The following ALOX15 variants were observed in gnomAD, a reference collection of about 807,000 sequenced individuals.
The protein encoded by ALOX15 is polyunsaturated fatty acid lipoxygenase ALOX15.
In ALOX15, 68 loss-of-function variants were observed where a neutral mutation model predicts 71.7. The observed-to-expected ratio is 0.95, with a 90% confidence interval of 0.78 to 1.16. ALOX15 has a LOEUF of 1.16. Ranked by LOEUF, ALOX15 falls within the 50% of genes most tolerant of loss-of-function variation. The pLI, the probability that ALOX15 is intolerant of heterozygous loss-of-function variation, is 0.00. For synonymous variants in ALOX15, 346 were observed against 333.3 expected, an observed-to-expected ratio of 1.04 and a Z score of -0.42; for missense variants, 798 against 818.8, an observed-to-expected ratio of 0.97 and a Z score of 0.31.
chr17:4,641,480 G>C, intron 1 of ALOX15, 37 bp downstream of exon 1: 4 of 1,599,952 alleles, frequency 2.5e-6, no homozygotes, highest in Non-Finnish European at 3.4e-6. Context: ...TCGGAGCCAG[G>C]GGCGCAGCCC....
At chr17:4,640,284 T>G in intron 1 of ALOX15, among the ~76,000 whole-genome samples, 2 of 122,252 alleles carry the variant, frequency 1.6e-5, no homozygotes, top group African/African-American at 6.7e-5. Context: ...GGGGAGTGAA[T>G]TAGGGAGAAA....
chr17:4,633,353 C>CT lies in ALOX15; in HGVS notation c.1249-39dup, dbSNP rs758855379. The CT allele has an allele frequency of 4.3e-6, 7 of 1,611,410 alleles. No homozygotes were observed. The South Asian group carries it at 7.7e-5, about 18-fold the overall frequency. On this transcript the variant is annotated intron_variant, in intron 9 of 13. Transcript: ENST00000293761. Reference sequence around the variant, plus strand: ...GGTGAGCAGGGTCAGGCGAATCGACCTGCCCTGAATCCAGAGCTGGAAAAA... The same window carrying CT: ...GGTGAGCAGGGTCAGGCGAATCGACCTTGCCCTGAATCCAGAGCTGGAAAAA...
At position 4,632,281 on chromosome 17, in the gene ALOX15, C is replaced by A. The variant is rs773687745; in HGVS notation, c.1541G>T (p.Gly514Val). ...CCGAGCCTGTAAAGAGACAGGAAAC[C>A]CTGCAAGGGGTGAAGAGAGTTAGAA... ...EIGLQGAQDR[G>V]FPVSLQARDQ... is the part of the protein sequence containing the mutation. The change falls in exon 12 of 14, where the codon GGG becomes GTG. Residue 514 changes from glycine to valine, a missense_variant and splice_region_variant. This residue lies in a region of ALOX15 where 490 missense variants were observed against 509.4 expected (regional missense o/e 0.96). Coordinates refer to ENST00000293761, the MANE Select transcript of ALOX15 (RefSeq NM_001140.5). 6.2e-7 allele frequency: 1 copy of A among 1,613,756 alleles called. No homozygotes were observed. The highest frequency in any genetic ancestry group is 1.1e-5 in the South Asian group (1 of 91,072).
rs781119970 is a variant in ALOX15 at position 4,635,931 on chromosome 17, A to AGGG, written c.986_988dup (p.Pro329dup). The AGGG allele has an allele frequency of 6.2e-7, 1 of 1,614,002 alleles. No individual in the cohort carries two copies. The highest frequency in any genetic ancestry group is 8.5e-7 in the Non-Finnish European group (1 of 1,180,030). On this transcript the variant is annotated inframe_insertion, in exon 8 of 14. Transcript: ENST00000293761. ...CATTGGGGGATCCGTAGGCAAGAAAAGGGGAGGTGGTGGGGATCCTGTGCG... is the reference window on the plus strand; with the variant it reads ...CATTGGGGGATCCGTAGGCAAGAAAAGGGGGGGAGGTGGTGGGGATCCTGTGCG...
chr17:4,632,108 G>A (rs11568128), intron 12 of ALOX15, 52 bp from the exon 13 acceptor site: 64 of 1,611,118 alleles, frequency 4.0e-5, no homozygotes, highest in Admixed American at 5.0e-5. Context: ...CGCGAGCCCC[G>A]TGGTCCACCT....
At position 4,632,169 on chromosome 17, in the gene ALOX15, T is replaced by C. The variant is rs41398648; in HGVS notation, c.1641+12A>G. The C allele has an allele frequency of 6.2e-7, 1 of 1,614,032 alleles. No individual in the cohort carries two copies. Among genetic ancestry groups the C allele is most frequent in the East Asian group, 2.2e-5 (1 of 44,902 alleles). ...GGCCCCAAATTCCCAGCTGCCCATCTCTGGTAAGTACCTGGCCCAGGTGCA... is the reference window on the plus strand; with the variant it reads ...GGCCCCAAATTCCCAGCTGCCCATCCCTGGTAAGTACCTGGCCCAGGTGCA... On this transcript the variant is annotated intron_variant, in intron 12 of 13. Coordinates refer to ENST00000293761, the MANE Select transcript of ALOX15 (RefSeq NM_001140.5).
At position 4,636,029 on chromosome 17, in the gene ALOX15, C is replaced by G. The variant is rs1301303506; in HGVS notation, c.952-61G>C. 1.9e-6 allele frequency: 3 copies of G among 1,546,906 alleles called. No homozygotes were observed. In the Admixed American group the frequency reaches 5.1e-5, roughly 26 times the overall value. ...AGTGCCAGGCACTCAGCGATTCCCG[C>G]CCCCCTTGCATGTTAACCTCACCCT... On this transcript the variant is annotated intron_variant, in intron 7 of 13. Transcript: ENST00000293761.
Position 4,637,195 on chromosome 17 carries a change from A to G in ALOX15, c.871T>C (p.Cys291Arg), listed in dbSNP as rs1452188483. ...GGGGCAGCCAGGTGCTGCTGGCTAC[A>G]GAGAATGACGTTGGCCTTGATCCCA... The part of the protein sequence containing the change: ...LDGIKANVIL[C>R]SQQHLAAPLV... Residue 291 changes from cysteine to arginine, a missense_variant, in exon 7 of 14, where the codon TGT becomes CGT. Transcript: ENST00000293761. 5.0e-6 allele frequency: 8 copies of G among 1,613,978 alleles called. No individual in the cohort carries two copies. The highest frequency in any genetic ancestry group is 6.8e-6 in the Non-Finnish European group (8 of 1,179,978).
chr17:4,635,776 T>A lies in ALOX15; in HGVS notation c.1144A>T (p.Ile382Leu). ...GGAGTTACCTTGAAGATAGGATGTA[T>A]CGACGGCAGGCACCTCATGGTGGCC... ...VVATMRCLPS[I>L]HPIFKLIIPH... is the part of the protein sequence containing the mutation. The change falls in exon 8 of 14, where the codon ATA (isoleucine) becomes TTA (leucine). Residue 382 changes from isoleucine (I) to leucine (L), a missense_variant. Physicochemically the swap from Ile to Leu is conservative, Grantham distance 5 (BLOSUM62 2). This residue lies in a region of ALOX15 where 490 missense variants were observed against 509.4 expected (regional missense o/e 0.96). Transcript: ENST00000293761. 2 of 1,614,158 alleles carry A rather than the reference T, an allele frequency of 1.2e-6. No homozygotes were observed. The highest frequency in any genetic ancestry group is 1.7e-6 in the Non-Finnish European group (2 of 1,180,042).
Position 4,635,759 on chromosome 17 carries a change from C to A in ALOX15, c.1161G>T (p.Lys387Asn). The A allele has an allele frequency of 6.2e-7, 1 of 1,614,116 alleles. No individual in the cohort carries two copies. Among genetic ancestry groups the A allele is most frequent in the Non-Finnish European group, 8.5e-7 (1 of 1,180,006 alleles). ...RCLPSIHPIFKLIIPHLRYTL... is the reference protein window; with the variant it reads ...RCLPSIHPIFNLIIPHLRYTL... ...AAGAGAGAAGGGGATAAGGAGTTAC[C>A]TTGAAGATAGGATGTATCGACGGCA... Residue 387 changes from lysine to asparagine, a missense_variant and splice_region_variant, in exon 8 of 14, where the codon AAG (lysine) becomes AAT (asparagine). Coordinates refer to ENST00000293761, the MANE Select transcript of ALOX15 (RefSeq NM_001140.5).
Position 4,632,936 on chromosome 17 carries a change from C to T in ALOX15, c.1465G>A (p.Val489Met). The T allele has an allele frequency of 1.5e-5, 24 of 1,614,176 alleles. No individual in the cohort carries two copies. Among genetic ancestry groups the T allele is most frequent in the Non-Finnish European group, 2.0e-5 (24 of 1,180,028 alleles). Residue 489 changes from valine to methionine, a missense_variant, in exon 11 of 14, where the codon GTG becomes ATG. Physicochemically the swap from Val to Met is conservative, Grantham distance 21. Transcript: ENST00000293761. ...GTCTGCAGCTCTGGGTCGTCTTTCACAGCCACGTCTGTCTTATAGTGGAGA... is the reference window on the plus strand; with the variant it reads ...GTCTGCAGCTCTGGGTCGTCTTTCATAGCCACGTCTGTCTTATAGTGGAGA... Reference protein sequence around the residue: ...VSLHYKTDVAVKDDPELQTWC... With the variant: ...VSLHYKTDVAMKDDPELQTWC...
chr17:4,635,723 T>A (rs778318334), intron 8 of ALOX15, 36 bp downstream of exon 8: 3 of 1,607,586 alleles, frequency 1.9e-6, no homozygotes, highest in South Asian at 2.2e-5. Context: ...GGGGCAGAGA[T>A]AGTGGCAGGC....
chr17:4,634,614 ATCTG>A (rs1210770753), intron 8 of ALOX15, among the ~76,000 whole-genome samples: 18 of 151,938 alleles, frequency 1.2e-4, no homozygotes, highest in East Asian at 1.9e-4. Context: ...TATACTGTAT[ATCTG>A]TCTATGTATT....
chr17:4,634,686 T>C (rs1170221984), intron 8 of ALOX15, among the ~76,000 whole-genome samples: 1 of 152,036 alleles, frequency 6.6e-6, no homozygotes, highest in Non-Finnish European at 1.5e-5. Flanking sequence ...CTATATAAAG[T>C]AATAAGATTT....
At position 4,633,059 on chromosome 17, in the gene ALOX15, G is replaced by T. The variant is rs539647224; in HGVS notation, c.1419-77C>A. On this transcript the variant is annotated intron_variant, in intron 10 of 13. Coordinates refer to ENST00000293761, the MANE Select transcript of ALOX15 (RefSeq NM_001140.5). ...TCACATGGCCAGGTCAGGGCCCCAG[G>T]CCCCCAACCAGACGCAGACCTCCTG... 3.7e-5 allele frequency: 60 copies of T among 1,610,754 alleles called. No individual in the cohort carries two copies. The African/African-American group carries it at 6.4e-4, about 17-fold the overall frequency.
At chr17:4,633,770 G>C (rs1393497944) in intron 8 of ALOX15, among the ~76,000 whole-genome samples, 2 of 152,150 alleles carry the variant, frequency 1.3e-5, no homozygotes, top group Non-Finnish European at 2.9e-5. Flanking sequence ...GCAAAGATAT[G>C]GAATCAACCT....
At chr17:4,633,379 A>C in intron 9 of ALOX15, 35 bp downstream of exon 9, 1 of 1,612,144 alleles carries the variant, frequency 6.2e-7, no homozygotes, top group Non-Finnish European at 8.5e-7. Flanking sequence ...GCTGGAAAAA[A>C]GACAGACCCA....
Position 4,631,292 on chromosome 17 carries a change from C to T in ALOX15, c.*308G>A, listed in dbSNP as rs1910885516. The T allele has an allele frequency of 1.1e-5, 4 of 375,270 alleles. No homozygotes were observed. Among genetic ancestry groups the T allele is most frequent in the Non-Finnish European group, 1.9e-5 (4 of 206,488 alleles). The allele number at this position is 375,270 out of a possible 1,614,324, so 23.2% of individuals were successfully genotyped here. ...GGTGTGGAGTAATATGTATTATATC[C>T]CCCTATTCTAGTCTTGAAATGATTT... On this transcript the variant is annotated 3_prime_UTR_variant, in exon 14 of 14. Coordinates refer to ENST00000293761, the MANE Select transcript of ALOX15 (RefSeq NM_001140.5).
rs1281875254 is a variant in ALOX15, at chr17:4,631,293, C to T, written c.*307G>A. On this transcript the variant is annotated 3_prime_UTR_variant, in exon 14 of 14. Transcript: ENST00000293761. The stretch of plus-strand genomic sequence containing the variant: ...GTGTGGAGTAATATGTATTATATCC[C>T]CCTATTCTAGTCTTGAAATGATTTA... 2.1e-5 allele frequency: 8 copies of T among 382,340 alleles called. No individual in the cohort carries two copies. The highest frequency in any genetic ancestry group is 3.8e-5 in the Non-Finnish European group (8 of 210,674). The allele number at this position is 382,340 out of a possible 1,614,324, so 23.7% of individuals were successfully genotyped here. A position where few individuals can be genotyped will look rare whatever the true frequency, so the allele number is the denominator to read the frequency against.
Sources: allele counts gnomAD v4.1 joint callset (sites outside exome capture counted in the v4.1 genomes callset), GRCh38; gene constraint gnomAD v4.1.1; regional missense constraint gnomAD v4.1.1; transcripts MANE v1.5; gene names NCBI Gene and HGNC (gene_info 2026-07-23, HGNC 2026-07-21).